Variants in THSD7B observed in about 807,000 individuals in gnomAD.
THSD7B encodes thrombospondin type-1 domain-containing protein 7B.
Under a neutral mutation model 213.6 loss-of-function variants are expected in THSD7B, and 138 were observed. The observed-to-expected ratio is 0.65, with a 90% CI of 0.56 to 0.74. THSD7B has a LOEUF of 0.74. Ranked by LOEUF, THSD7B falls within the 30% of genes least tolerant of loss-of-function variation. The pLI is 0.00. For synonymous variants in THSD7B, 742 were observed against 687.0 expected, an observed-to-expected ratio of 1.08 and a Z score of -1.25; for missense variants, 1,931 against 1,991.5, an observed-to-expected ratio of 0.97 and a Z score of 0.58.
At chr2:137,671,498 AAACT>A (rs575926549) in intron 27 of THSD7B, among the ~76,000 whole-genome samples, 91 of 8,232 alleles carry the variant, frequency 0.011, no homozygotes, top group African/African-American at 0.013. Flanking sequence ...AGGCCTCAGG[AAACT>A]TACTTACTTA....
intron 26 of THSD7B, among the ~76,000 whole-genome samples, chr2:137,666,038 A>G (rs996596470): frequency 3.9e-5 from 6 of 152,150 alleles, no homozygotes; most frequent in African/African-American, 1.4e-4. Flanking sequence ...TAGGGAATTG[A>G]GAGGTTGGTG....
In THSD7B at chr2:137,023,838, A is replaced by G. The variant is rs367912221; in HGVS notation, c.140-32582A>G. On this transcript the variant is annotated intron_variant, in intron 2 of 27. Coordinates refer to ENST00000409968, the MANE Select transcript of THSD7B (RefSeq NM_001316349.2). The stretch of plus-strand genomic sequence containing the variant: ...TTTTCCCTGTGGGTATGAGCCACCT[A>G]CATAATAAGAGATTGGAAATAGGAA... 9.9e-5 allele frequency among the ~76,000 whole-genome samples: 15 copies of G among 152,182 alleles called. No individual in the cohort carries two copies. The East Asian group carries it at 2.7e-3, about 28-fold the overall frequency.
chr2:137,426,583 C>T (rs1687060431), intron 14 of THSD7B, among the ~76,000 whole-genome samples: 1 of 152,114 alleles, frequency 6.6e-6, no homozygotes, highest in South Asian at 2.1e-4. Flanking sequence ...AAGAGAGTCT[C>T]TTTGATAAAT....
intron 2 of THSD7B, among the ~76,000 whole-genome samples, chr2:137,016,692 TGTGA>T (rs1686349179): frequency 6.6e-6 from 1 of 152,222 alleles, no homozygotes; most frequent in African/African-American, 2.4e-5. Flanking sequence ...TTAAATGGTA[TGTGA>T]AGAATGTCTA....
intron 1 of THSD7B, among the ~76,000 whole-genome samples, chr2:136,875,278 C>G (rs1683509203): frequency 6.6e-6 from 1 of 152,040 alleles, no homozygotes; most frequent in African/African-American, 2.4e-5. Flanking sequence ...AAAAATTAGC[C>G]AGACATGGTG....
Position 137,313,024 on chromosome 2 carries a change from C to T in THSD7B, c.2500+36998C>T, listed in dbSNP as rs1373601098. Among the ~76,000 whole-genome samples the T allele has an allele frequency of 1.5e-3, 218 of 149,524 alleles. 1 individual carries two copies. Among genetic ancestry groups the T allele is most frequent in the East Asian group, 8.1e-3 (41 of 5,040 alleles). ...GAGTTCTGTAGATGTCTATTAGGTCCGCTTGGTGCAGAGCTGAGTTCAATT... is the reference window on the plus strand; with the variant it reads ...GAGTTCTGTAGATGTCTATTAGGTCTGCTTGGTGCAGAGCTGAGTTCAATT... On this transcript the variant is annotated intron_variant, in intron 12 of 27. Transcript: ENST00000409968.
At chr2:137,097,591 C>A (rs1688062155) in intron 4 of THSD7B, among the ~76,000 whole-genome samples, 1 of 151,982 alleles carries the variant, frequency 6.6e-6, no homozygotes, top group African/African-American at 2.4e-5. Flanking sequence ...CATTTGTGTG[C>A]ATCATATTTT....
Position 137,309,760 on chromosome 2 carries a change from G to T in THSD7B, c.2500+33734G>T, listed in dbSNP as rs1343032773. On this transcript the variant is annotated intron_variant, in intron 12 of 27. Coordinates refer to ENST00000409968, the MANE Select transcript of THSD7B (RefSeq NM_001316349.2). Reference sequence around the variant, plus strand: ...TATGAGTGAGAATGTGCGGTGTTTGGTTTTTTGTTCTTGGCGATAGTTTAC... The same window carrying T: ...TATGAGTGAGAATGTGCGGTGTTTGTTTTTTTGTTCTTGGCGATAGTTTAC... 4.6e-5 allele frequency among the ~76,000 whole-genome samples: 7 copies of T among 152,004 alleles called. No individual in the cohort carries two copies. The East Asian group carries it at 1.4e-3, about 29-fold the overall frequency.
intron 2 of THSD7B, among the ~76,000 whole-genome samples, chr2:137,010,597 A>G (rs72983569): frequency 0.019 from 2,943 of 152,260 alleles, 91 homozygotes; most frequent in African/African-American, 0.068. Flanking sequence ...GTTTGTTACC[A>G]CAGTCTCTGC....
intron 9 of THSD7B, among the ~76,000 whole-genome samples, chr2:137,236,814 T>C (rs1008477122): frequency 1.3e-5 from 2 of 152,044 alleles, no homozygotes; most frequent in African/African-American, 4.8e-5. Context: ...ACAGTGCTTA[T>C]AAGAAGCTGA....
chr2:136,895,177 G>A (rs524958), intron 2 of THSD7B, among the ~76,000 whole-genome samples: 65,950 of 151,902 alleles, frequency 0.43, 15,636 homozygotes, highest in Non-Finnish European at 0.55. Flanking sequence ...CTTCTCTTTT[G>A]TTTCTCTTAT....
intron 7 of THSD7B, among the ~76,000 whole-genome samples, chr2:137,181,232 A>G (rs1680448434): frequency 6.6e-6 from 1 of 152,204 alleles, no homozygotes; most frequent in Admixed American, 6.5e-5. Flanking sequence ...AGAAGATAGG[A>G]GACAGCTCTT....
intron 1 of THSD7B, among the ~76,000 whole-genome samples, chr2:136,795,475 A>T (rs574054874): frequency 1.6e-4 from 24 of 152,102 alleles, no homozygotes; most frequent in African/African-American, 5.8e-4. Context: ...CACATCTGCA[A>T]AGTCCGTTTT....
intron 17 of THSD7B, among the ~76,000 whole-genome samples, chr2:137,587,015 C>T (rs1573727279): frequency 6.6e-6 from 1 of 152,358 alleles, no homozygotes; most frequent in South Asian, 2.1e-4. Context: ...TCCCATATTT[C>T]TTGGAGGTTT....
chr2:136,856,877 T>C (rs1683188285), intron 1 of THSD7B, among the ~76,000 whole-genome samples: 1 of 152,208 alleles, frequency 6.6e-6, no homozygotes, highest in Non-Finnish European at 1.5e-5. Flanking sequence ...GAATCTTCAG[T>C]TTAGTATTTT....
intron 12 of THSD7B, among the ~76,000 whole-genome samples, chr2:137,398,559 C>T (rs1169003963): frequency 6.6e-6 from 1 of 151,828 alleles, no homozygotes; most frequent in Non-Finnish European, 1.5e-5. Context: ...AACCACTGCT[C>T]TCTTCAAAGC....
At chr2:136,871,700 G>T (rs149532626) in intron 1 of THSD7B, among the ~76,000 whole-genome samples, 389 of 152,260 alleles carry the variant, frequency 2.6e-3, no homozygotes, top group Non-Finnish European at 3.6e-3. Flanking sequence ...GTAGAAAGAA[G>T]CCGCATAAGT....
intron 3 of THSD7B, among the ~76,000 whole-genome samples, chr2:137,089,270 G>A (rs111874144): frequency 2.9e-4 from 42 of 145,112 alleles, no homozygotes; most frequent in African/African-American, 1.1e-3. Context: ...GTGTGTGTGT[G>A]TGTGTATATG....
At chr2:137,590,851 G>A (rs1681852219) in intron 17 of THSD7B, among the ~76,000 whole-genome samples, 1 of 118,360 alleles carries the variant, frequency 8.4e-6, no homozygotes, top group South Asian at 2.9e-4. Context: ...GTATAAAGTA[G>A]TTTATCTGTG....
Sources: allele counts gnomAD v4.1 joint callset (sites outside exome capture counted in the v4.1 genomes callset), GRCh38; gene constraint gnomAD v4.1.1; transcripts MANE v1.5; gene names NCBI Gene and HGNC (gene_info 2026-07-23, HGNC 2026-07-21).